The following JMJD1C variants were observed in gnomAD, a reference collection of about 807,000 sequenced individuals.
JMJD1C encodes the protein jumonji domain-containing protein 1C.
JMJD1C carries 31 observed loss-of-function variants against 245.3 expected under a neutral mutation model. The ratio of observed to expected loss-of-function variants is 0.13; its 90% CI spans 0.09 to 0.17. The LOEUF is 0.17. JMJD1C is among the 10% of genes least tolerant of loss of function. The pLI, the probability that JMJD1C is intolerant of heterozygous loss-of-function variation, is 1.00. For missense variants in JMJD1C, 2,691 were observed against 3,000.2 expected (o/e 0.90, Z 2.41); for synonymous variants, 1,057 against 1,017.4 (o/e 1.04, Z -0.74).
rs144038955 is a variant in JMJD1C at position 63,414,157 on chromosome 10, T to G, written c.169-33675A>C. Reference sequence around the variant, plus strand: ...GTCCGCCAACACGCCCAGCTAATTTTTTGTATTTTTAGTACAGACAGGGTT... The same window carrying G: ...GTCCGCCAACACGCCCAGCTAATTTGTTGTATTTTTAGTACAGACAGGGTT... On this transcript the variant is annotated intron_variant, in intron 1 of 25. Coordinates refer to ENST00000399262, the MANE Select transcript of JMJD1C (RefSeq NM_032776.3). 7.3e-3 allele frequency among the ~76,000 whole-genome samples: 1,114 copies of G among 152,066 alleles called. 19 individuals are homozygous for G. Among genetic ancestry groups the G allele is most frequent in the African/African-American group, 0.025 (1,042 of 41,472 alleles).
At chr10:63,509,804 T>C (rs1039837068) in intron 1 of JMJD1C, among the ~76,000 whole-genome samples, 1 of 152,212 alleles carries the variant, frequency 6.6e-6, no homozygotes, top group African/African-American at 2.4e-5. Flanking sequence ...TTTTAGCTGG[T>C]CTAGCTAAAA....
At chr10:63,414,238 G>C (rs968854313) in intron 1 of JMJD1C, among the ~76,000 whole-genome samples, 2 of 151,856 alleles carry the variant, frequency 1.3e-5, no homozygotes, top group African/African-American at 4.8e-5. Flanking sequence ...TGCCTGCCTC[G>C]GCCTCCCAAA....
intron 1 of JMJD1C, among the ~76,000 whole-genome samples, chr10:63,521,116 C>G (rs542790285): frequency 0.49 from 236 of 484 alleles, 1 homozygote; most frequent in African/African-American, 0.5. Context: ...ACTCTCGCCG[C>G]GAGTGTGGGC....
intron 3 of JMJD1C, among the ~76,000 whole-genome samples, chr10:63,244,821 G>GC (rs1307372048): frequency 6.9e-6 from 1 of 145,666 alleles, no homozygotes; most frequent in African/African-American, 2.5e-5. Flanking sequence ...AAAAAAAGGG[G>GC]GGGGGAGGGG....
At chr10:63,172,707 C>T (rs1016684750) in intron 24 of JMJD1C, among the ~76,000 whole-genome samples, 4 of 150,888 alleles carry the variant, frequency 2.7e-5, no homozygotes, top group Admixed American at 2.6e-4. Context: ...CTAGACCTCA[C>T]CAAGAAGGTG....
chr10:63,454,202 C>T (rs1265809865), intron 1 of JMJD1C, among the ~76,000 whole-genome samples: 2 of 151,984 alleles, frequency 1.3e-5, no homozygotes, highest in African/African-American at 2.4e-5. Context: ...GGATATTAAC[C>T]ATATGTGTCA....
At chr10:63,321,448 C>T (rs916701182) in intron 2 of JMJD1C, among the ~76,000 whole-genome samples, 2 of 152,052 alleles carry the variant, frequency 1.3e-5, no homozygotes, top group African/African-American at 2.4e-5. Context: ...AGGTAGACAG[C>T]GTGAAAAAAT....
intron 2 of JMJD1C, among the ~76,000 whole-genome samples, chr10:63,370,347 AC>A (rs1174580388): frequency 1.3e-5 from 2 of 152,190 alleles, no homozygotes; most frequent in Admixed American, 1.3e-4. Context: ...CAAAGTGTAC[AC>A]CTATCTAAAC....
intron 2 of JMJD1C, among the ~76,000 whole-genome samples, chr10:63,326,225 T>G (rs2134137093): frequency 6.6e-6 from 1 of 152,110 alleles, no homozygotes; most frequent in South Asian, 2.1e-4. Flanking sequence ...CCAGACGCGG[T>G]GGCTCACGCC....
intron 1 of JMJD1C, among the ~76,000 whole-genome samples, chr10:63,436,743 T>C (rs2132887935): frequency 6.6e-6 from 1 of 152,278 alleles, no homozygotes; most frequent in South Asian, 2.1e-4. Flanking sequence ...TACCATGGCA[T>C]ACTCTAGACC....
intron 8 of JMJD1C, among the ~76,000 whole-genome samples, chr10:63,210,155 A>G (rs1847151141): frequency 6.6e-6 from 1 of 152,210 alleles, no homozygotes; most frequent in Admixed American, 6.5e-5. Context: ...AAATATACAC[A>G]TAAGGATCAA....
intron 1 of JMJD1C, among the ~76,000 whole-genome samples, chr10:63,385,944 C>T (rs1042064862): frequency 3.9e-5 from 6 of 151,996 alleles, no homozygotes; most frequent in Non-Finnish European, 5.9e-5. Context: ...AGAGCATATA[C>T]GGTGAAAACT....
Position 63,208,029 on chromosome 10 carries a change from G to A in JMJD1C, c.3640C>T (p.His1214Tyr), listed in dbSNP as rs1554837183. 1.2e-6 allele frequency: 2 copies of A among 1,614,160 alleles called. No homozygotes were observed. The highest frequency in any genetic ancestry group is 8.5e-7 in the Non-Finnish European group (1 of 1,180,006). ...HRAPVFHPPI[H>Y]HSLERKEGSY... ...CCTTCCTTTCTTTCCAGGCTGTGAT[G>A]GATTGGTGGGTGAAATACTGGTGCT... The change falls in exon 10 of 26, where the codon CAT becomes TAT. Residue 1214 changes from histidine to tyrosine, a missense_variant. Around this residue, in one of 9 missense-constraint regions of JMJD1C, gnomAD observed 1,562 missense variants for 1,490.7 expected, o/e 1.05. Coordinates refer to ENST00000399262, the MANE Select transcript of JMJD1C (RefSeq NM_032776.3).
In JMJD1C at chr10:63,267,002, C is replaced by T. The variant is rs139602568; in HGVS notation, c.334-2238G>A. ...GATTTCTAAGCTAAAAAAATTCTCA[C>T]GTTTTAAGATGTCTCATTGAAAGCC... On this transcript the variant is annotated intron_variant, in intron 2 of 25. Transcript: ENST00000399262. Among the ~76,000 whole-genome samples, 107 of 152,202 alleles carry T rather than the reference C, an allele frequency of 7.0e-4. 1 individual carries two copies. Among genetic ancestry groups the T allele is most frequent in the African/African-American group, 2.5e-3 (102 of 41,544 alleles).
intron 3 of JMJD1C, among the ~76,000 whole-genome samples, chr10:63,226,756 G>A (rs1026336498): frequency 6.9e-6 from 1 of 145,106 alleles, no homozygotes; most frequent in Non-Finnish European, 1.5e-5. Context: ...AGGACATGAT[G>A]GAGTAAAAGG....
chr10:63,266,170 TCA>T (rs1226107731), intron 2 of JMJD1C, among the ~76,000 whole-genome samples: 1 of 152,148 alleles, frequency 6.6e-6, no homozygotes, highest in East Asian at 1.9e-4. Flanking sequence ...TCTTATATTC[TCA>T]CTTATTTTCG....
chr10:63,202,761 A>G (rs1051956270), intron 10 of JMJD1C: 11 of 985,418 alleles, frequency 1.1e-5, no homozygotes, highest in Non-Finnish European at 1.3e-5. Context: ...TCCATTGTGC[A>G]AAAGAGATTT....
intron 3 of JMJD1C, among the ~76,000 whole-genome samples, chr10:63,238,597 T>C (rs1851074692): frequency 6.6e-6 from 1 of 152,226 alleles, no homozygotes; most frequent in Non-Finnish European, 1.5e-5. Context: ...GTAACCTCTA[T>C]AACAAATTGT....
chr10:63,385,340 TG>T (rs1947503502), intron 1 of JMJD1C, among the ~76,000 whole-genome samples: 1 of 148,698 alleles, frequency 6.7e-6, no homozygotes, highest in Non-Finnish European at 1.5e-5. Context: ...TTTTTCCACG[TG>T]CAGATGGAAA....
Sources: gnomAD v4.1 joint callset for allele counts (sites outside exome capture counted in the v4.1 genomes callset) on GRCh38, gnomAD v4.1.1 for gene constraint, gnomAD v4.1.1 regional missense constraint, MANE v1.5 for transcripts, NCBI Gene and HGNC (gene_info 2026-07-23, HGNC 2026-07-21) for gene names.